SLAIN2: variants seen among roughly 807,000 people sequenced by gnomAD.
SLAIN2 encodes SLAIN motif-containing protein 2.
Under a neutral mutation model 56.6 loss-of-function variants are expected in SLAIN2, and 31 were observed. That is an observed-to-expected ratio of 0.55 (90% CI 0.41 to 0.74). The LOEUF (loss-of-function observed/expected upper bound fraction) is 0.74. Ranked by LOEUF, SLAIN2 falls within the 30% of genes least tolerant of loss-of-function variation. The pLI is 0.00. For missense variants in SLAIN2, 777 were observed against 754.2 expected (o/e 1.03, Z -0.35); for synonymous variants, 317 against 284.9 (o/e 1.11, Z -1.13).
At chr4:48,369,373 C>T (rs193097659) in intron 1 of SLAIN2, among the ~76,000 whole-genome samples, 2 of 152,244 alleles carry the variant, frequency 1.3e-5, no homozygotes, top group African/African-American at 2.4e-5. Flanking sequence ...TTTTCTCCAA[C>T]ACATTGTCGT....
At chr4:48,393,872 G>A (rs1302971178) in intron 6 of SLAIN2, among the ~76,000 whole-genome samples, 4 of 152,156 alleles carry the variant, frequency 2.6e-5, no homozygotes, top group Middle Eastern at 3.4e-3. Flanking sequence ...TAATAGATTA[G>A]GAGTTTGGAA....
At chr4:48,374,620 A>G (rs934310841) in intron 2 of SLAIN2, among the ~76,000 whole-genome samples, 1 of 152,182 alleles carries the variant, frequency 6.6e-6, no homozygotes, top group African/African-American at 2.4e-5. Context: ...GTGGACAGGA[A>G]GGACGTCATC....
At chr4:48,367,082 T>A (rs1400403502) in intron 1 of SLAIN2, among the ~76,000 whole-genome samples, 4 of 152,366 alleles carry the variant, frequency 2.6e-5, no homozygotes, top group Non-Finnish European at 4.4e-5. Flanking sequence ...AATGAGAGTT[T>A]ACTTAGGATT....
In SLAIN2 at chr4:48,392,871, G is replaced by C. The variant is rs563666145; in HGVS notation, c.1360+9087G>C. Among the ~76,000 whole-genome samples the C allele has an allele frequency of 3.4e-5, 5 of 147,684 alleles. No individual in the cohort carries two copies. In the East Asian group the frequency reaches 9.9e-4, roughly 29 times the overall value. On this transcript the variant is annotated intron_variant, in intron 6 of 7. Coordinates refer to ENST00000264313, the MANE Select transcript of SLAIN2 (RefSeq NM_020846.2). ...CTAGAATATTAGTTTCATGAGAGTG[G>C]GGACTGTAGCCATCTAGTTGCCTAC...
chr4:48,399,194 T>A (rs1716485558), intron 6 of SLAIN2, among the ~76,000 whole-genome samples: 1 of 152,240 alleles, frequency 6.6e-6, no homozygotes, highest in African/African-American at 2.4e-5. Flanking sequence ...CAGTGGTTTG[T>A]GGTTTTCCTT....
rs150807072 is a variant in SLAIN2, at chr4:48,400,898, G to C, written c.1360+17114G>C. Among the ~76,000 whole-genome samples, 455 of 152,096 alleles carry C rather than the reference G, an allele frequency of 3.0e-3. 1 individual carries two copies. Among genetic ancestry groups the C allele is most frequent in the African/African-American group, 0.01 (434 of 41,492 alleles). On this transcript the variant is annotated intron_variant, in intron 6 of 7. Coordinates refer to ENST00000264313, the MANE Select transcript of SLAIN2 (RefSeq NM_020846.2). ...TTGTCGTGTTAGGTTGTTGATTTGA[G>C]ATCTTTCTAGCTTTGTGATGTCAGC...
chr4:48,386,031 C>G (rs2109765561), intron 6 of SLAIN2, among the ~76,000 whole-genome samples: 1 of 148,678 alleles, frequency 6.7e-6, no homozygotes, highest in South Asian at 2.1e-4. Context: ...TTGCTTGAGC[C>G]CAGGAGTTTG....
chr4:48,407,331 G>A (rs1471672872), intron 6 of SLAIN2, among the ~76,000 whole-genome samples: 1 of 151,878 alleles, frequency 6.6e-6, no homozygotes, highest in African/African-American at 2.4e-5. Context: ...GCTCATTTCT[G>A]AGTGTTTGTC....
rs1717248264 is a variant in SLAIN2 at position 48,424,508 on chromosome 4, TTTAA to T, written c.*2434_*2437del. The T allele has an allele frequency of 1.3e-5, 2 of 152,214 alleles. No individual in the cohort carries two copies. Among genetic ancestry groups the T allele is most frequent in the African/African-American group, 4.8e-5 (2 of 41,470 alleles). The allele number at this position is 152,214 out of a possible 1,614,324, so 9.4% of individuals were successfully genotyped here. A position where few individuals can be genotyped will look rare whatever the true frequency, so the allele number is the denominator to read the frequency against. ...ACAATGAGCTCTGCTTCCAAAGTTA[TTTAA>T]TTTTCTCAGTGTTTGAATGTTATTT... On this transcript the variant is annotated 3_prime_UTR_variant, in exon 8 of 8. Transcript: ENST00000264313.
chr4:48,390,940 G>A (rs776519018), intron 6 of SLAIN2, among the ~76,000 whole-genome samples: 31 of 152,114 alleles, frequency 2.0e-4, no homozygotes, highest in African/African-American at 6.5e-4. Flanking sequence ...TCAGCATAAG[G>A]ATAAGTTCAG....
Position 48,378,016 on chromosome 4 carries a change from T to A in SLAIN2, c.659T>A (p.Val220Glu). 1 of 1,613,932 alleles carries A rather than the reference T, an allele frequency of 6.2e-7. No individual in the cohort carries two copies. The highest frequency in any genetic ancestry group is 8.5e-7 in the Non-Finnish European group (1 of 1,179,864). The change falls in exon 3 of 8, where the codon GTG becomes GAG. Residue 220 changes from valine to glutamate, a missense_variant. By Grantham distance (121) the Val-to-Glu change is moderately radical. Transcript: ENST00000264313. ...TTCAATTCTCCATCCTCAACCCCAG[T>A]GCGACCTCCTATAGTCAAACAGCTT... Reference protein sequence around the residue: ...SGFNSPSSTPVRPPIVKQLIL... With the variant: ...SGFNSPSSTPERPPIVKQLIL...
At chr4:48,357,727 G>A (rs1335072561) in intron 1 of SLAIN2, among the ~76,000 whole-genome samples, 1 of 151,776 alleles carries the variant, frequency 6.6e-6, no homozygotes, top group Non-Finnish European at 1.5e-5. Flanking sequence ...GGCTAATTTT[G>A]CATTTTTGGT....
chr4:48,410,488 A>G (rs1716815431), intron 6 of SLAIN2, among the ~76,000 whole-genome samples: 2 of 152,316 alleles, frequency 1.3e-5, no homozygotes, highest in African/African-American at 2.4e-5. Context: ...TCATAGTGTC[A>G]TAAGAAATCA....
Position 48,422,456 on chromosome 4 carries a change from G to C in SLAIN2, c.*379G>C, listed in dbSNP as rs1409700124. The C allele has an allele frequency of 5.5e-6, 1 of 180,652 alleles. No homozygotes were observed. Among genetic ancestry groups the C allele is most frequent in the Non-Finnish European group, 1.2e-5 (1 of 85,360 alleles). 11.2% of individuals were successfully genotyped at this position (180,652 alleles called of 1,614,324 possible). On this transcript the variant is annotated 3_prime_UTR_variant, in exon 8 of 8. Coordinates refer to ENST00000264313, the MANE Select transcript of SLAIN2 (RefSeq NM_020846.2). ...TGTGCACAAGAAAATGGTGAATTCA[G>C]GCTATCCAAAACTTCACATTCAACC...
chr4:48,374,866 T>G (rs1379283576), intron 2 of SLAIN2, among the ~76,000 whole-genome samples: 1 of 152,204 alleles, frequency 6.6e-6, no homozygotes, highest in South Asian at 2.1e-4. Context: ...AGATGAATAT[T>G]GGGATCATTC....
chr4:48,353,903 A>G (rs917186904), intron 1 of SLAIN2, among the ~76,000 whole-genome samples: 3 of 152,220 alleles, frequency 2.0e-5, no homozygotes, highest in Non-Finnish European at 4.4e-5. Flanking sequence ...GTGAATCAAT[A>G]GGATATGTTA....
intron 6 of SLAIN2, among the ~76,000 whole-genome samples, chr4:48,391,057 G>T (rs1716225799): frequency 6.6e-6 from 1 of 152,156 alleles, no homozygotes; most frequent in South Asian, 2.1e-4. Context: ...TGTCTTCGCA[G>T]TTAAAATATT....
At chr4:48,355,365 CTG>C (rs1715130810) in intron 1 of SLAIN2, among the ~76,000 whole-genome samples, 1 of 152,130 alleles carries the variant, frequency 6.6e-6, no homozygotes, top group African/African-American at 2.4e-5. Context: ...CATGTGAAGA[CTG>C]TTATAAAATT....
chr4:48,372,937 TAA>T (rs1491381968), intron 2 of SLAIN2, among the ~76,000 whole-genome samples: 1 of 152,158 alleles, frequency 6.6e-6, no homozygotes, highest in African/African-American at 2.4e-5. Flanking sequence ...CCTAGGAACT[TAA>T]GTGCTGTATT....
Sources: gnomAD v4.1 joint callset for allele counts (sites outside exome capture counted in the v4.1 genomes callset) on GRCh38, gnomAD v4.1.1 for gene constraint, MANE v1.5 for transcripts, NCBI Gene and HGNC (gene_info 2026-07-23, HGNC 2026-07-21) for gene names.